Variants in ZNF425 observed in about 807,000 individuals in gnomAD.
ZNF425 encodes the protein zinc finger protein 425.
Under a neutral mutation model 17.0 loss-of-function variants are expected in ZNF425, and 21 were observed. That is an observed-to-expected ratio of 1.23 (90% CI 0.88 to 1.78). ZNF425 has a LOEUF of 1.78. ZNF425 is among the 40% of genes most tolerant of loss of function. The probability of loss-of-function intolerance (pLI) is 0.00; values close to 1 mark genes in which losing one functional copy is unlikely to be tolerated. For missense variants in ZNF425, 868 were observed against 967.3 expected (o/e 0.90, Z 1.36); for synonymous variants, 433 against 384.1 (o/e 1.13, Z -1.49).
chr7:149,120,419 C>T (rs952534627), intron 1 of ZNF425, among the ~76,000 whole-genome samples: 1 of 152,152 alleles, frequency 6.6e-6, no homozygotes, highest in African/African-American at 2.4e-5. Flanking sequence ...AATGGAATCA[C>T]ATGGTATGCG....
At chr7:149,111,846 A>AT (rs1826182668) in intron 3 of ZNF425, among the ~76,000 whole-genome samples, 2 of 151,396 alleles carry the variant, frequency 1.3e-5, no homozygotes, top group South Asian at 2.1e-4. Context: ...CGCCCAGCTA[A>AT]TTTTTTTGTA....
In ZNF425 at chr7:149,104,956, C is replaced by T. The variant is rs745698102; in HGVS notation, c.915G>A (p.Gly305=). The change falls in exon 4 of 4, where the codon GGG becomes GGA. Residue 305 remains glycine, a synonymous_variant. Coordinates refer to ENST00000378061, the MANE Select transcript of ZNF425 (RefSeq NM_001001661.3). The surrounding 1 kb of genome is among the most constrained non-coding windows in gnomAD (Gnocchi z 4.3). ...GCTGCACGAAGGCCCGGCCGCACTCCCCGCAGCAGAACGGCCGCTCCCCGC... is the reference window on the plus strand; with the variant it reads ...GCTGCACGAAGGCCCGGCCGCACTCTCCGCAGCAGAACGGCCGCTCCCCGC... The part of the protein sequence containing the change: ...LHRGERPFCC[G]ECGRAFVQQC... The T allele has an allele frequency of 1.2e-6, 2 of 1,614,070 alleles. No homozygotes were observed. The highest frequency in any genetic ancestry group is 1.1e-5 in the South Asian group (1 of 91,078).
intron 1 of ZNF425, among the ~76,000 whole-genome samples, chr7:149,121,414 G>T (rs1239818629): frequency 4.6e-5 from 6 of 130,328 alleles, no homozygotes; most frequent in Admixed American, 2.4e-4. Context: ...TTTTTTGAGA[G>T]GGAGTCCCGC....
chr7:149,111,876 T>A, intron 3 of ZNF425: 1 of 226,260 alleles, frequency 4.4e-6, no homozygotes, highest in Non-Finnish European at 8.6e-6. Flanking sequence ...GAGATGGGGT[T>A]TTACCATGTT....
Position 149,118,289 on chromosome 7 carries a change from C to T in ZNF425, c.78G>A (p.Leu26=). Residue 26 remains leucine, a synonymous_variant, in exon 2 of 4, where the codon CTG becomes CTA. Coordinates refer to ENST00000378061, the MANE Select transcript of ZNF425 (RefSeq NM_001001661.3). ...TATACATTTGCTTCTGCCACTTCTC[C>T]AGGATCTCCCACTCTTGTTCCGAAA... is the stretch of plus-strand genomic sequence containing the variant. The part of the protein sequence containing the change: ...LYFSEQEWEI[L]EKWQKQMYKQ... The T allele has an allele frequency of 6.2e-7, 1 of 1,614,136 alleles. No homozygotes were observed. Among genetic ancestry groups the T allele is most frequent in the Non-Finnish European group, 8.5e-7 (1 of 1,180,022 alleles).
chr7:149,125,000 A>C (rs1376263814), intron 1 of ZNF425, among the ~76,000 whole-genome samples: 1 of 152,206 alleles, frequency 6.6e-6, no homozygotes, highest in East Asian at 1.9e-4. Flanking sequence ...CTATAAATTC[A>C]ATGTACAAAG....
intron 1 of ZNF425, 28 bp from the exon 2 acceptor site, chr7:149,118,376 A>G: frequency 1.2e-6 from 2 of 1,611,548 alleles, no homozygotes; most frequent in Admixed American, 1.7e-5. Context: ...ATACACATAC[A>G]TTTTTACTTT....
intron 1 of ZNF425, among the ~76,000 whole-genome samples, chr7:149,123,732 A>T (rs1351708370): frequency 1.3e-5 from 2 of 150,266 alleles, no homozygotes; most frequent in African/African-American, 4.9e-5. Flanking sequence ...GGGTTTCGCC[A>T]TGTTGGCCAG....
In ZNF425 at chr7:149,112,279, C is replaced by T; in HGVS notation, c.162G>A (p.Lys54=). The T allele has an allele frequency of 6.2e-7, 1 of 1,613,520 alleles. No homozygotes were observed. Among genetic ancestry groups the T allele is most frequent in the Non-Finnish European group, 8.5e-7 (1 of 1,179,744 alleles). ...TLDSLGYAFS[K]PDLITWMEQG... is the part of the protein sequence containing the mutation. Reference sequence around the variant, plus strand: ...GTTCCATCCATGTGATCAAATCTGGCTTGGAAAAAGCATACCCTGCAAATA... The same window carrying T: ...GTTCCATCCATGTGATCAAATCTGGTTTGGAAAAAGCATACCCTGCAAATA... The change falls in exon 3 of 4, where the codon AAG becomes AAA. Residue 54 remains lysine (K), a synonymous_variant. Transcript: ENST00000378061.
chr7:149,106,013 T>TGGCA (rs1826078848), intron 3 of ZNF425, among the ~76,000 whole-genome samples: 1 of 143,350 alleles, frequency 7.0e-6, no homozygotes, highest in Admixed American at 7.6e-5. Flanking sequence ...TGGAGTGCAG[T>TGGCA]GGCACAATCC....
At position 149,118,277 on chromosome 7, in the gene ZNF425, C is replaced by T; in HGVS notation, c.90G>A (p.Gln30=). The part of the protein sequence containing the change: ...EQEWEILEKW[Q]KQMYKQEMKT... ...TCATCTCTTGCTTATACATTTGCTTCTGCCACTTCTCCAGGATCTCCCACT... is the reference window on the plus strand; with the variant it reads ...TCATCTCTTGCTTATACATTTGCTTTTGCCACTTCTCCAGGATCTCCCACT... Residue 30 remains glutamine (Q), a synonymous_variant, in exon 2 of 4, where the codon CAG becomes CAA. Coordinates refer to ENST00000378061, the MANE Select transcript of ZNF425 (RefSeq NM_001001661.3). 1.2e-6 allele frequency: 2 copies of T among 1,614,126 alleles called. No homozygotes were observed. Among genetic ancestry groups the T allele is most frequent in the East Asian group, 4.5e-5 (2 of 44,872 alleles).
intron 3 of ZNF425, among the ~76,000 whole-genome samples, chr7:149,108,314 T>C (rs114874695): frequency 0.011 from 1,704 of 152,264 alleles, 26 homozygotes; most frequent in African/African-American, 0.039. Context: ...AGGACTCTCA[T>C]TATGCTCTGT....
intron 3 of ZNF425, among the ~76,000 whole-genome samples, chr7:149,109,321 CCCT>C (rs1010218759): frequency 3.1e-4 from 47 of 152,196 alleles, no homozygotes; most frequent in African/African-American, 1.1e-3. Context: ...TCGTGATCCA[CCCT>C]CCTCAGCCTC....
chr7:149,104,233 C>A lies in ZNF425; in HGVS notation c.1638G>T (p.Arg546Ser). 6.2e-7 allele frequency: 1 copy of A among 1,613,440 alleles called. No individual in the cohort carries two copies. The highest frequency in any genetic ancestry group is 8.5e-7 in the Non-Finnish European group (1 of 1,179,664). ...GGAAGGGCTCCTCGCCACTGTGAAG[C>A]CTCGTGTGCTCTGTGAGATGCGCGC... is the stretch of plus-strand genomic sequence containing the variant. ...RRRAHLTEHT[R>S]LHSGEEPFQC... The change falls in exon 4 of 4, where the codon AGG becomes AGT. Residue 546 changes from arginine to serine, a missense_variant. Coordinates refer to ENST00000378061, the MANE Select transcript of ZNF425 (RefSeq NM_001001661.3). This position sits in a 1 kb window ranked among gnomAD's most constrained non-coding sequence, Gnocchi z 4.3.
rs376988011 is a variant in ZNF425 at position 149,105,469 on chromosome 7, C to A, written c.402G>T (p.Lys134Asn). 5.2e-6 allele frequency: 8 copies of A among 1,526,522 alleles called. No individual in the cohort carries two copies. Among genetic ancestry groups the A allele is most frequent in the Non-Finnish European group, 6.1e-6 (7 of 1,141,766 alleles). The allele number at this position is 1,526,522 out of a possible 1,614,324, so 94.6% of individuals were successfully genotyped here. A position where few individuals can be genotyped will look rare whatever the true frequency, so the allele number is the denominator to read the frequency against. ...LCAALRGKER[K>N]ILLAQTATFQ... ...AGGTGGCTGTTTGAGCTAATAAAAT[C>A]TTTCTCTCTTTCCCTCGTAAGGCAG... Residue 134 changes from lysine (K) to asparagine (N), a missense_variant, in exon 4 of 4, where the codon AAG (lysine) becomes AAT (asparagine). By Grantham distance (94) the Lys-to-Asn change is moderately conservative (BLOSUM62 0). This residue lies in a region of ZNF425 where 179 missense variants were observed against 216.3 expected (regional missense o/e 0.83). Coordinates refer to ENST00000378061, the MANE Select transcript of ZNF425 (RefSeq NM_001001661.3).
chr7:149,105,056 C>T lies in ZNF425; in HGVS notation c.815G>A (p.Arg272Gln), dbSNP rs770001699. ...GTCGCACTCAGGGCATGGGTAGGGCCGCTGGCCGGTGTGGACAACCTGATG... is the reference window on the plus strand; with the variant it reads ...GTCGCACTCAGGGCATGGGTAGGGCTGCTGGCCGGTGTGGACAACCTGATG... ...VTHQVVHTGQ[R>Q]PYPCPECDKT... Residue 272 changes from arginine (R) to glutamine (Q), a missense_variant, in exon 4 of 4, where the codon CGG becomes CAG. By Grantham distance (43) the Arg-to-Gln change is conservative. This residue lies in a region of ZNF425 where 243 missense variants were observed against 265.2 expected (regional missense o/e 0.92). Coordinates refer to ENST00000378061, the MANE Select transcript of ZNF425 (RefSeq NM_001001661.3). The T allele has an allele frequency of 1.1e-5, 18 of 1,614,100 alleles. No homozygotes were observed. The Admixed American group carries it at 2.2e-4, about 19-fold the overall frequency.
At chr7:149,110,156 G>A (rs1173876550) in intron 3 of ZNF425, among the ~76,000 whole-genome samples, 9 of 151,666 alleles carry the variant, frequency 5.9e-5, no homozygotes, top group Admixed American at 2.6e-4. Context: ...GATTATAGGC[G>A]TGAGTCACCG....
At chr7:149,125,388 G>C (rs1257872421) in intron 1 of ZNF425, among the ~76,000 whole-genome samples, 1 of 152,138 alleles carries the variant, frequency 6.6e-6, no homozygotes, top group Non-Finnish European at 1.5e-5. Context: ...AGCATTTACG[G>C]TAAATTCGAT....
chr7:149,113,039 C>T (rs1158280638), intron 2 of ZNF425, among the ~76,000 whole-genome samples: 4 of 139,764 alleles, frequency 2.9e-5, no homozygotes, highest in Non-Finnish European at 6.1e-5. Context: ...TGCAGTGGTG[C>T]GATCTCGGCT....
Sources: allele counts gnomAD v4.1 joint callset (sites outside exome capture counted in the v4.1 genomes callset), GRCh38; gene constraint gnomAD v4.1.1; regional missense constraint gnomAD v4.1.1; non-coding constraint Gnocchi (gnomAD v3.1); transcripts MANE v1.5; gene names NCBI Gene and HGNC (gene_info 2026-07-23, HGNC 2026-07-21).